The following ACTN1 variants were observed in gnomAD, a reference collection of about 807,000 sequenced individuals.
The protein encoded by ACTN1 is alpha-actinin-1.
Under a neutral mutation model 119.6 loss-of-function variants are expected in ACTN1, and 30 were observed. The observed-to-expected ratio is 0.25, with a 90% CI of 0.19 to 0.34. The LOEUF (loss-of-function observed/expected upper bound fraction) is 0.34. ACTN1 is among the 10% of genes least tolerant of loss of function. ACTN1 has a pLI of 1.00. For synonymous variants in ACTN1, 429 were observed against 472.6 expected (o/e 0.91, Z 1.20); for missense variants, 764 against 1,223.4 (o/e 0.62, Z 5.60).
intron 11 of ACTN1, 59 bp downstream of exon 11, chr14:68,890,080 G>T: frequency 6.3e-7 from 1 of 1,585,834 alleles, no homozygotes; most frequent in Non-Finnish European, 8.6e-7. Flanking sequence ...GCTGCTGGCT[G>T]GGCTGAAGAG....
intron 1 of ACTN1, among the ~76,000 whole-genome samples, chr14:68,959,092 G>A (rs1402363881): frequency 6.6e-6 from 1 of 152,162 alleles, no homozygotes; most frequent in African/African-American, 2.4e-5. Context: ...TTTCTGTGAA[G>A]ACCTCAGAAA....
In ACTN1 at chr14:68,874,668, T is replaced by G. The variant is rs2030631696; in HGVS notation, c.*191A>C. The G allele has an allele frequency of 2.1e-6, 1 of 477,464 alleles. No homozygotes were observed. The highest frequency in any genetic ancestry group is 3.4e-6 in the Non-Finnish European group (1 of 297,366). The allele number at this position is 477,464 out of a possible 1,614,324, so 29.6% of individuals were successfully genotyped here. On this transcript the variant is annotated 3_prime_UTR_variant, in exon 22 of 22. Transcript: ENST00000394419. ...TAGTTTTTTGGTTTTTAACGTAACTTTTTTTTCTTTTTTGCAGAAAATAAT... is the reference window on the plus strand; with the variant it reads ...TAGTTTTTTGGTTTTTAACGTAACTGTTTTTTCTTTTTTGCAGAAAATAAT...
chr14:68,966,834 G>C (rs2036722976), intron 1 of ACTN1, among the ~76,000 whole-genome samples: 1 of 152,138 alleles, frequency 6.6e-6, no homozygotes, highest in South Asian at 2.1e-4. Flanking sequence ...CCACACAAAA[G>C]GACCAGAAAT....
intron 2 of ACTN1, among the ~76,000 whole-genome samples, chr14:68,923,435 G>A (rs775388354): frequency 1.6e-4 from 24 of 152,138 alleles, no homozygotes; most frequent in Non-Finnish European, 2.8e-4. Flanking sequence ...GCTGCATTTT[G>A]AAGAATGATA....
chr14:68,953,642 GC>G (rs1424662378), intron 1 of ACTN1, among the ~76,000 whole-genome samples: 3 of 151,818 alleles, frequency 2.0e-5, no homozygotes, highest in African/African-American at 7.3e-5. Flanking sequence ...ACTTTGGGAG[GC>G]CGAGGCAGGC....
rs1295124335 is a variant in ACTN1 at position 68,978,969 on chromosome 14, C to A, written c.88G>T (p.Glu30Ter). The change falls in exon 1 of 22, where the codon GAG (glutamate) becomes TAG (stop). Residue 30 changes from glutamate (E) to a stop codon, truncating the protein, a stop_gained. Transcript: ENST00000394419. LOFTEE classifies it high-confidence loss of function. ...CTGCTAACCTTTCTCTGCTGCTTCT[C>A]CCAGGCCGGGTCCAGGAGCAGGTCC... is the stretch of plus-strand genomic sequence containing the variant. Reference protein sequence around the residue: ...DRDLLLDPAWEKQQRKTFTAW... With the variant: ...DRDLLLDPAW The A allele has an allele frequency of 1.3e-6, 2 of 1,599,792 alleles. No homozygotes were observed. Among genetic ancestry groups the A allele is most frequent in the Non-Finnish European group, 1.7e-6 (2 of 1,172,818 alleles).
At chr14:68,935,302 G>A (rs1323900257) in intron 1 of ACTN1, among the ~76,000 whole-genome samples, 2 of 151,750 alleles carry the variant, frequency 1.3e-5, no homozygotes, top group Non-Finnish European at 2.9e-5. Flanking sequence ...GGGATTACAG[G>A]CATGAGCTAC....
In ACTN1 at chr14:68,979,030, G is replaced by A; in HGVS notation, c.27C>T (p.Thr9=). 1.9e-6 allele frequency: 3 copies of A among 1,603,840 alleles called. No individual in the cohort carries two copies. Among genetic ancestry groups the A allele is most frequent in the Non-Finnish European group, 2.6e-6 (3 of 1,174,684 alleles). The change falls in exon 1 of 22, where the codon ACC becomes ACT. Residue 9 remains threonine, a synonymous_variant. Transcript: ENST00000394419. MDHYDSQQ[T]NDYMQPEEDW... ...CCTCTTCTGGCTGCATGTAATCGTT[G>A]GTTTGCTGAGAATCATAATGGTCCA...
In ACTN1 at chr14:68,927,609, G is replaced by A. The variant is rs115630377; in HGVS notation, c.106-1937C>T. On this transcript the variant is annotated intron_variant, in intron 1 of 21. Coordinates refer to ENST00000394419, the MANE Select transcript of ACTN1 (RefSeq NM_001130004.2). ...AATGCTCTCAGGGCAGGGGGTGATG[G>A]GACAAACAGTGCTCTTAGGGACCCC... is the stretch of plus-strand genomic sequence containing the variant. Among the ~76,000 whole-genome samples, 810 of 152,202 alleles carry A rather than the reference G, an allele frequency of 5.3e-3. 4 individuals carry two copies. Among genetic ancestry groups the A allele is most frequent in the African/African-American group, 0.018 (760 of 41,502 alleles).
At chr14:68,908,371 C>T (rs542843198) in intron 6 of ACTN1, among the ~76,000 whole-genome samples, 13 of 152,206 alleles carry the variant, frequency 8.5e-5, no homozygotes, top group African/African-American at 2.7e-4. Flanking sequence ...AGAAGCAAGA[C>T]GCCCTTCCTG....
intron 1 of ACTN1, 165 bp downstream of exon 1, chr14:68,978,787 G>C (rs1331461139): frequency 4.6e-6 from 2 of 437,248 alleles, no homozygotes; most frequent in Non-Finnish European, 7.9e-6. Context: ...TCCGCCAGGC[G>C]CCTGTAACCC....
At chr14:68,894,695 A>G (rs2140176318) in intron 8 of ACTN1, among the ~76,000 whole-genome samples, 1 of 152,260 alleles carries the variant, frequency 6.6e-6, no homozygotes, top group East Asian at 1.9e-4. Flanking sequence ...AAAGGAAGAC[A>G]GCCTGGGGGT....
At chr14:68,894,071 G>C (rs1392132842) in intron 8 of ACTN1, among the ~76,000 whole-genome samples, 1 of 152,198 alleles carries the variant, frequency 6.6e-6, no homozygotes, top group Non-Finnish European at 1.5e-5. Context: ...CTCAGGTCAG[G>C]TGGAGAGGTG....
chr14:68,906,733 C>T (rs1241185179), intron 6 of ACTN1, among the ~76,000 whole-genome samples: 4 of 152,332 alleles, frequency 2.6e-5, no homozygotes, highest in African/African-American at 9.6e-5. Context: ...CAGTTGGTCT[C>T]ACAACCTCCT....
rs770870903 is a variant in ACTN1, at chr14:68,884,252, C to G, written c.1551G>C (p.Arg517=). 1 of 1,614,098 alleles carries G rather than the reference C, an allele frequency of 6.2e-7. No homozygotes were observed. Among genetic ancestry groups the G allele is most frequent in the South Asian group, 1.1e-5 (1 of 91,072 alleles). ...IDQLYLEYAK[R]AAPFNNWMEG... ...CCATCCAGTTGTTGAAGGGTGCAGC[C>G]CGCTTGGCATACTCCAAGTACAGCT... The change falls in exon 14 of 22, where the codon CGG becomes CGC. Residue 517 remains arginine (R), a synonymous_variant. Transcript: ENST00000394419.
At chr14:68,946,263 C>T (rs2035940893) in intron 1 of ACTN1, among the ~76,000 whole-genome samples, 1 of 152,118 alleles carries the variant, frequency 6.6e-6, no homozygotes, top group East Asian at 1.9e-4. Context: ...CCTTAAGGGC[C>T]TCTTAAGGGT....
At chr14:68,961,741 G>C (rs1275244654) in intron 1 of ACTN1, among the ~76,000 whole-genome samples, 1 of 152,176 alleles carries the variant, frequency 6.6e-6, no homozygotes, top group Non-Finnish European at 1.5e-5. Context: ...TGGGCATCTG[G>C]GGAGGGGCAC....
Position 68,919,010 on chromosome 14 carries a change from G to A in ACTN1, c.340+1996C>T, listed in dbSNP as rs1403972212. On this transcript the variant is annotated intron_variant, in intron 3 of 21. Coordinates refer to ENST00000394419, the MANE Select transcript of ACTN1 (RefSeq NM_001130004.2). ...ATGAGTGTAGCAGGAGATGGCCCACGTAAAGCACCCTGTCTAGCAACACAG... is the reference window on the plus strand; with the variant it reads ...ATGAGTGTAGCAGGAGATGGCCCACATAAAGCACCCTGTCTAGCAACACAG... 3.3e-5 allele frequency among the ~76,000 whole-genome samples: 5 copies of A among 152,304 alleles called. No individual in the cohort carries two copies. In the East Asian group the frequency reaches 7.7e-4, roughly 24 times the overall value.
intron 3 of ACTN1, among the ~76,000 whole-genome samples, chr14:68,912,690 A>G (rs2034078301): frequency 6.6e-6 from 1 of 152,100 alleles, no homozygotes; most frequent in Admixed American, 6.6e-5. Context: ...ATGTTTCTTA[A>G]AGTTAATGCA....
Sources: allele counts gnomAD v4.1 joint callset (sites outside exome capture counted in the v4.1 genomes callset), GRCh38; gene constraint gnomAD v4.1.1; transcripts MANE v1.5; gene names NCBI Gene and HGNC (gene_info 2026-07-23, HGNC 2026-07-21).